ZNF273: variants seen among roughly 807,000 people sequenced by gnomAD.
ZNF273 encodes zinc finger protein 9.
Under a neutral mutation model 14.9 loss-of-function variants are expected in ZNF273, and 11 were observed. The ratio of observed to expected loss-of-function variants is 0.74; its 90% CI spans 0.46 to 1.22. The LOEUF is 1.22. ZNF273 is among the 50% of genes most tolerant of loss of function. The probability of loss-of-function intolerance (pLI) is 0.00; values close to 1 mark genes in which losing one functional copy is unlikely to be tolerated. For missense variants in ZNF273, 577 were observed against 660.6 expected (o/e 0.87, Z 1.39); for synonymous variants, 199 against 223.9 (o/e 0.89, Z 0.99).
At chr7:64,917,734 A>G in intron 2 of ZNF273, 27 bp downstream of exon 2, 2 of 1,550,740 alleles carry the variant, frequency 1.3e-6, no homozygotes, top group Non-Finnish European at 1.7e-6. Flanking sequence ...TACATAATTT[A>G]AAGGTTTCAC....
intron 1 of ZNF273, among the ~76,000 whole-genome samples, chr7:64,914,372 T>C (rs1793803500): frequency 6.8e-6 from 1 of 147,022 alleles, no homozygotes; most frequent in Non-Finnish European, 1.5e-5. Flanking sequence ...ACACTATTAT[T>C]ATTACTTATT....
At chr7:64,886,499 A>G (rs532637147) in intron 1 of ZNF273, among the ~76,000 whole-genome samples, 4 of 152,330 alleles carry the variant, frequency 2.6e-5, no homozygotes, top group Admixed American at 6.5e-5. Context: ...CCATCGCTAC[A>G]TGTTTACTGG....
chr7:64,918,467 C>T (rs1011220723), intron 3 of ZNF273, among the ~76,000 whole-genome samples, 175 bp downstream of exon 3: 1 of 151,904 alleles, frequency 6.6e-6, no homozygotes, highest in Non-Finnish European at 1.5e-5. Flanking sequence ...TCCAGAGCAT[C>T]CTGACCAACA....
chr7:64,929,048 G>A lies in ZNF273; in HGVS notation c.*10G>A. On this transcript the variant is annotated 3_prime_UTR_variant, in exon 4 of 4. Coordinates refer to ENST00000476120, the MANE Select transcript of ZNF273 (RefSeq NM_021148.3). The stretch of plus-strand genomic sequence containing the variant: ...GGGTGAGAAATCCTAGAAATGTGAA[G>A]AATGTGACAAAGCCTTTAAGCGGTT... 6.6e-7 allele frequency: 1 copy of A among 1,504,760 alleles called. No homozygotes were observed. Among genetic ancestry groups the A allele is most frequent in the Non-Finnish European group, 8.8e-7 (1 of 1,132,856 alleles). 93.2% of individuals were successfully genotyped at this position (1,504,760 alleles called of 1,614,324 possible). A position where few individuals can be genotyped will look rare whatever the true frequency, so the allele number is the denominator to read the frequency against.
chr7:64,882,317 G>C (rs1447183431), downstream of ZNF273, among the ~76,000 whole-genome samples: 1 of 118,792 alleles, frequency 8.4e-6, no homozygotes, highest in Non-Finnish European at 1.7e-5. Context: ...CTCCTCCAGG[G>C]GGAGCCGACC....
At chr7:64,896,836 A>T (rs919800893) in intron 3 of ZNF273, among the ~76,000 whole-genome samples, 1 of 152,190 alleles carries the variant, frequency 6.6e-6, no homozygotes, top group Admixed American at 6.5e-5. Flanking sequence ...AAGAGGTAAA[A>T]GCAAATGAAA....
At chr7:64,903,181 A>T (rs1448447999), upstream of ZNF273, 1 of 667,828 alleles carries the variant, frequency 1.5e-6, no homozygotes, top group Admixed American at 3.0e-5. Context: ...GTCCTTAAAC[A>T]TCCTCCAATC....
chr7:64,899,381 G>A (rs781769376), upstream of ZNF273, among the ~76,000 whole-genome samples: 1 of 152,178 alleles, frequency 6.6e-6, no homozygotes, highest in Non-Finnish European at 1.5e-5. Context: ...TATGCCAGGC[G>A]CAGTGGCTCA....
At chr7:64,902,366 T>C (rs1352800816), upstream of ZNF273, among the ~76,000 whole-genome samples, 1 of 152,230 alleles carries the variant, frequency 6.6e-6, no homozygotes, top group Non-Finnish European at 1.5e-5. Flanking sequence ...TTATTATATT[T>C]TTTCCATTTG....
At chr7:64,881,855 T>A (rs1425311901), downstream of ZNF273, among the ~76,000 whole-genome samples, 8 of 152,294 alleles carry the variant, frequency 5.3e-5, no homozygotes, top group East Asian at 1.5e-3. Context: ...AGTCTTGATT[T>A]TCTTGTGCTT....
upstream of ZNF273, among the ~76,000 whole-genome samples, chr7:64,900,546 G>C (rs1023885065): frequency 6.6e-6 from 1 of 152,174 alleles, no homozygotes; most frequent in African/African-American, 2.4e-5. Flanking sequence ...AATGCCAGCA[G>C]CTAGCCAGGT....
intron 1 of ZNF273, 71 bp from the exon 2 acceptor site, chr7:64,917,510 C>T: frequency 1.3e-6 from 2 of 1,552,992 alleles, no homozygotes; most frequent in Non-Finnish European, 1.7e-6. Flanking sequence ...TCGCATTCCA[C>T]CTTGAGTCAA....
chr7:64,936,285 A>G, the ZNF273 span, among the ~76,000 whole-genome samples: 3 of 152,264 alleles, frequency 2.0e-5, no homozygotes, highest in Non-Finnish European at 2.9e-5. Flanking sequence ...CAGTATGACC[A>G]GATTCAGTAA....
At chr7:64,889,035 C>T (rs1355723849), downstream of ZNF273, 17 of 985,896 alleles carry the variant, frequency 1.7e-5, no homozygotes, top group Non-Finnish European at 1.9e-5. This position sits in a 1 kb window ranked among gnomAD's most constrained non-coding sequence, Gnocchi z 4.2. Flanking sequence ...CGAGTGTCCA[C>T]AAAGCAGGAA....
intron 1 of ZNF273, among the ~76,000 whole-genome samples, chr7:64,914,195 T>G (rs979445333): frequency 5.4e-5 from 7 of 129,546 alleles, no homozygotes; most frequent in African/African-American, 1.1e-4. Context: ...TTTTTTTTTT[T>G]TTTTTTTTTT....
At chr7:64,910,716 G>C (rs921633607) in intron 1 of ZNF273, among the ~76,000 whole-genome samples, 4 of 142,300 alleles carry the variant, frequency 2.8e-5, no homozygotes, top group African/African-American at 7.8e-5. Flanking sequence ...TTTTTTTTCT[G>C]TTAAGAATCT....
downstream of ZNF273, among the ~76,000 whole-genome samples, chr7:64,935,335 G>A (rs1795051395): frequency 6.6e-6 from 1 of 152,058 alleles, no homozygotes; most frequent in South Asian, 2.1e-4. Context: ...TTCTTGTCTT[G>A]TTCTAGCTTT....
downstream of ZNF273, among the ~76,000 whole-genome samples, chr7:64,932,873 A>G (rs1359203647): frequency 1.3e-5 from 2 of 152,156 alleles, no homozygotes; most frequent in African/African-American, 2.4e-5. Context: ...CACAGAATCT[A>G]TTTTTAAGTG....
intron 3 of ZNF273, among the ~76,000 whole-genome samples, chr7:64,896,684 A>G (rs1792382697): frequency 6.6e-6 from 1 of 152,132 alleles, no homozygotes; most frequent in African/African-American, 2.4e-5. Context: ...GAAAAATAGT[A>G]TCTTTTATTA....
Sources: gnomAD v4.1 joint callset for allele counts (sites outside exome capture counted in the v4.1 genomes callset) on GRCh38, gnomAD v4.1.1 for gene constraint, Gnocchi (gnomAD v3.1) non-coding constraint, MANE v1.5 for transcripts, NCBI Gene and HGNC (gene_info 2026-07-23, HGNC 2026-07-21) for gene names.